The following CHSY3 variants were observed in gnomAD, a reference collection of about 807,000 sequenced individuals.
CHSY3 encodes chondroitin sulfate synthase 3.
A neutral mutation model predicts 67.2 loss-of-function variants in CHSY3; 35 were observed. That is an observed-to-expected ratio of 0.52 (90% CI 0.40 to 0.69). The LOEUF (loss-of-function observed/expected upper bound fraction) is 0.69, where lower values mean the gene tolerates loss of function less well. CHSY3 is among the 30% of genes least tolerant of loss of function. The pLI is 0.00. For missense variants in CHSY3, 1,069 were observed against 1,138.5 expected, an observed-to-expected ratio of 0.94 and a Z score of 0.88; for synonymous variants, 474 against 434.7, an observed-to-expected ratio of 1.09 and a Z score of -1.12.
intron 2 of CHSY3, among the ~76,000 whole-genome samples, chr5:130,176,171 C>G (rs1770043481): frequency 6.6e-6 from 1 of 151,916 alleles, no homozygotes; most frequent in African/African-American, 2.4e-5. Context: ...ACAAGCACCC[C>G]ATCAAAAAGT....
At chr5:130,067,387 T>G (rs916472284) in intron 2 of CHSY3, among the ~76,000 whole-genome samples, 8 of 152,208 alleles carry the variant, frequency 5.3e-5, no homozygotes, top group Admixed American at 1.3e-4. Context: ...TTGAAGAGTT[T>G]GTACACCATG....
chr5:130,125,088 T>C (rs1768221636), intron 2 of CHSY3, among the ~76,000 whole-genome samples: 1 of 152,016 alleles, frequency 6.6e-6, no homozygotes, highest in South Asian at 2.1e-4. Flanking sequence ...CTCGAACTCC[T>C]GCAGAGATTA....
At chr5:130,046,244 A>G (rs1372607064) in intron 2 of CHSY3, among the ~76,000 whole-genome samples, 1 of 152,142 alleles carries the variant, frequency 6.6e-6, no homozygotes, top group Non-Finnish European at 1.5e-5. Flanking sequence ...TGTAGCATAC[A>G]AATGAAGGTG....
At chr5:130,134,118 A>G (rs1312659410) in intron 2 of CHSY3, among the ~76,000 whole-genome samples, 1 of 152,176 alleles carries the variant, frequency 6.6e-6, no homozygotes, top group Non-Finnish European at 1.5e-5. Context: ...TACAGAAGTG[A>G]TGTTGCTTTC....
At chr5:129,947,663 G>T (rs901926094) in intron 2 of CHSY3, among the ~76,000 whole-genome samples, 1 of 151,770 alleles carries the variant, frequency 6.6e-6, no homozygotes, top group Admixed American at 6.6e-5. Context: ...TGAGATTTGG[G>T]TGGGGGCACA....
At chr5:129,963,276 A>G (rs1189363979) in intron 2 of CHSY3, among the ~76,000 whole-genome samples, 2 of 152,006 alleles carry the variant, frequency 1.3e-5, no homozygotes, top group East Asian at 1.9e-4. Flanking sequence ...ATTTTCATCT[A>G]CTACCTTGGT....
chr5:130,009,419 A>G (rs897998091), intron 2 of CHSY3, among the ~76,000 whole-genome samples: 1 of 152,130 alleles, frequency 6.6e-6, no homozygotes, highest in East Asian at 1.9e-4. Context: ...CCAAATGCTA[A>G]GAGAATTCAT....
At chr5:130,072,924 A>G (rs1416632695) in intron 2 of CHSY3, among the ~76,000 whole-genome samples, 2 of 152,174 alleles carry the variant, frequency 1.3e-5, no homozygotes, top group Non-Finnish European at 2.9e-5. Context: ...TCTCACTTAT[A>G]TATGGAATCT....
At chr5:130,143,810 G>GTATGTATA (rs1554085961) in intron 2 of CHSY3, among the ~76,000 whole-genome samples, 23 of 56,482 alleles carry the variant, frequency 4.1e-4, no homozygotes, top group Non-Finnish European at 6.5e-4. Flanking sequence ...ATATATGTGT[G>GTATGTATA]TATATATATA....
At chr5:129,960,724 T>A (rs569774277) in intron 2 of CHSY3, among the ~76,000 whole-genome samples, 14 of 152,120 alleles carry the variant, frequency 9.2e-5, no homozygotes, top group African/African-American at 2.4e-4. Flanking sequence ...AAATATTTTT[T>A]AAAAAAATAA....
At chr5:130,027,209 G>A (rs1764571023) in intron 2 of CHSY3, among the ~76,000 whole-genome samples, 1 of 152,082 alleles carries the variant, frequency 6.6e-6, no homozygotes, top group Admixed American at 6.6e-5. Context: ...TGTATAATGT[G>A]AGTCTAATAA....
At chr5:129,921,644 A>T (rs775983337) in intron 2 of CHSY3, among the ~76,000 whole-genome samples, 1 of 152,198 alleles carries the variant, frequency 6.6e-6, no homozygotes, top group Non-Finnish European at 1.5e-5. Context: ...ACGTTCTCCA[A>T]TTCCATCCAT....
At chr5:130,005,433 A>C (rs530636648) in intron 2 of CHSY3, among the ~76,000 whole-genome samples, 209 of 151,430 alleles carry the variant, frequency 1.4e-3, no homozygotes, top group East Asian at 4.1e-3. Context: ...GAAACAACAA[A>C]AAAAAAAACA....
intron 2 of CHSY3, among the ~76,000 whole-genome samples, chr5:130,090,714 A>G (rs1580724217): frequency 6.6e-6 from 1 of 152,178 alleles, no homozygotes; most frequent in Non-Finnish European, 1.5e-5. Context: ...CTCAGGATAC[A>G]CACAGATAAC....
chr5:130,170,945 G>T (rs1769880473), intron 2 of CHSY3, among the ~76,000 whole-genome samples: 1 of 151,220 alleles, frequency 6.6e-6, no homozygotes, highest in African/African-American at 2.4e-5. Flanking sequence ...TGTTAGTTAT[G>T]CTCTGAACCC....
At chr5:129,948,471 A>G (rs1041339937) in intron 2 of CHSY3, among the ~76,000 whole-genome samples, 9 of 152,198 alleles carry the variant, frequency 5.9e-5, no homozygotes, top group African/African-American at 1.7e-4. Context: ...ACTTAGAATA[A>G]TGGTCTCCAA....
At chr5:130,006,888 G>A (rs1763892830) in intron 2 of CHSY3, among the ~76,000 whole-genome samples, 1 of 152,174 alleles carries the variant, frequency 6.6e-6, no homozygotes, top group South Asian at 2.1e-4. Context: ...AAGAAAATCA[G>A]TTGACTTTCT....
chr5:129,932,318 ATCT>A (rs982411077), intron 2 of CHSY3, among the ~76,000 whole-genome samples: 4 of 151,826 alleles, frequency 2.6e-5, no homozygotes, highest in Admixed American at 6.6e-5. Flanking sequence ...GAGGTAGACC[ATCT>A]TCTTCTTCTT....
rs942289180 is a variant in CHSY3, at chr5:129,982,402, G to A, written c.1086+74042G>A. On this transcript the variant is annotated intron_variant, in intron 2 of 2. Coordinates refer to ENST00000305031, the MANE Select transcript of CHSY3 (RefSeq NM_175856.5). ...TAGGAGAAACAAAAAATTCATTTCC[G>A]TTATCCATCTATTCCATGTAAATTT... is the stretch of plus-strand genomic sequence containing the variant. 5.9e-5 allele frequency among the ~76,000 whole-genome samples: 9 copies of A among 151,868 alleles called. No homozygotes were observed. The East Asian group carries it at 9.7e-4, about 16-fold the overall frequency.
Sources: gnomAD v4.1 joint callset for allele counts (sites outside exome capture counted in the v4.1 genomes callset) on GRCh38, gnomAD v4.1.1 for gene constraint, MANE v1.5 for transcripts, NCBI Gene and HGNC (gene_info 2026-07-23, HGNC 2026-07-21) for gene names.